The following WDR17 variants were observed in gnomAD, a reference collection of about 807,000 sequenced individuals.
WDR17 encodes the protein WD repeat-containing protein 17.
In WDR17, 143 loss-of-function variants were observed where a neutral mutation model predicts 161.7. The ratio of observed to expected loss-of-function variants is 0.88; its 90% CI spans 0.77 to 1.02. The LOEUF is 1.02. Among genes scored for constraint, WDR17 ranks in the 50% least tolerant of loss-of-function variants. The pLI is 0.00. For missense variants in WDR17, 1,469 were observed against 1,520.9 expected (o/e 0.97, Z 0.57); for synonymous variants, 517 against 515.6 (o/e 1.00, Z -0.04).
Position 176,156,111 on chromosome 4 carries a change from C to G in WDR17, c.2493C>G (p.Val831=), listed in dbSNP as rs779147436. The change falls in exon 18 of 29, where the codon GTC becomes GTG. Residue 831 remains valine (V), a synonymous_variant. Transcript: ENST00000508596. ...AAGCCCTGTCAATTGCACCAGGAGT[C>G]TCTGTGAAATACTGGAAGAAGTTAA... is the stretch of plus-strand genomic sequence containing the variant. ...WDKALSIAPG[V]SVKYWKKLMQ... The G allele has an allele frequency of 1.2e-6, 2 of 1,613,580 alleles. No homozygotes were observed. The highest frequency in any genetic ancestry group is 1.7e-6 in the Non-Finnish European group (2 of 1,179,780).
At position 176,108,624 on chromosome 4, in the gene WDR17, C is replaced by T. The variant is rs141410348; in HGVS notation, c.-6-2951C>T. Among the ~76,000 whole-genome samples, 317 of 151,602 alleles carry T rather than the reference C, an allele frequency of 2.1e-3. 1 individual carries two copies. The highest frequency in any genetic ancestry group is 6.9e-3 in the African/African-American group (287 of 41,318). ...CTCATCAGTTTTAACATGTGCCATCCGGTGCTGAGTGTTAATAGTGGGGAA... is the reference window on the plus strand; with the variant it reads ...CTCATCAGTTTTAACATGTGCCATCTGGTGCTGAGTGTTAATAGTGGGGAA... On this transcript the variant is annotated intron_variant, in intron 1 of 28. Coordinates refer to ENST00000508596, the MANE Select transcript of WDR17 (RefSeq NM_181265.4).
rs191880906 is a variant in WDR17 at position 176,152,561 on chromosome 4, G to A, written c.2460+594G>A. 7.2e-5 allele frequency among the ~76,000 whole-genome samples: 9 copies of A among 124,942 alleles called. No homozygotes were observed. In the East Asian group the frequency reaches 1.4e-3, roughly 20 times the overall value. The allele number at this position is 124,942 out of a possible 152,430, so 82.0% of individuals were successfully genotyped here. A position where few individuals can be genotyped will look rare whatever the true frequency, so the allele number is the denominator to read the frequency against. On this transcript the variant is annotated intron_variant, in intron 17 of 28. Transcript: ENST00000508596. ...GCAGAGGTTGCAGTGAGCCGAGATC[G>A]TGCCACTGTACTCCAGCCTGGGTAA... is the stretch of plus-strand genomic sequence containing the variant.
intron 2 of WDR17, among the ~76,000 whole-genome samples, chr4:176,111,947 G>A (rs75473575): frequency 6.6e-6 from 1 of 152,026 alleles, no homozygotes; most frequent in East Asian, 1.9e-4. Flanking sequence ...GAAGAATTTG[G>A]GTAGTCCATT....
At position 176,181,486 on chromosome 4, in the gene WDR17, A is replaced by G; in HGVS notation, c.*1907A>G. On this transcript the variant is annotated 3_prime_UTR_variant, in exon 29 of 29. Coordinates refer to ENST00000508596, the MANE Select transcript of WDR17 (RefSeq NM_181265.4). ...CCATCTCCAAAAATTATATATATAA[A>G]AATAATTAATATTATAGAAGAGAAT... 4.4e-6 allele frequency: 1 copy of G among 224,922 alleles called. No homozygotes were observed. Among genetic ancestry groups the G allele is most frequent in the South Asian group, 6.3e-5 (1 of 15,968 alleles). The allele number at this position is 224,922 out of a possible 1,614,324, so 13.9% of individuals were successfully genotyped here. A position where few individuals can be genotyped will look rare whatever the true frequency, so the allele number is the denominator to read the frequency against.
chr4:176,118,187 C>A (rs1740939093), intron 3 of WDR17, among the ~76,000 whole-genome samples: 1 of 152,118 alleles, frequency 6.6e-6, no homozygotes, highest in South Asian at 2.1e-4. Context: ...TAAATTGCAA[C>A]ACTCCTTGAA....
chr4:176,082,855 G>A (rs376035339), intron 1 of WDR17, among the ~76,000 whole-genome samples: 2 of 152,162 alleles, frequency 1.3e-5, no homozygotes, highest in South Asian at 2.1e-4. Flanking sequence ...AGATGAAGAT[G>A]AATTTTAGAC....
chr4:176,086,460 A>G (rs528724196), intron 1 of WDR17, among the ~76,000 whole-genome samples: 12 of 152,002 alleles, frequency 7.9e-5, no homozygotes, highest in Admixed American at 2.0e-4. Context: ...GCTTTATATA[A>G]TTGAAAACTA....
intron 1 of WDR17, among the ~76,000 whole-genome samples, chr4:176,103,821 AAG>A (rs1040520694): frequency 2.6e-5 from 4 of 151,948 alleles, no homozygotes; most frequent in Non-Finnish European, 5.9e-5. Flanking sequence ...ACCAGAAGAG[AAG>A]AGAGAGAGAT....
intron 1 of WDR17, among the ~76,000 whole-genome samples, chr4:176,105,083 C>G (rs1738486574): frequency 1.3e-5 from 2 of 150,416 alleles, no homozygotes; most frequent in Admixed American, 1.3e-4. Flanking sequence ...CAGGCATGCC[C>G]TATATTAATA....
chr4:176,171,602 C>A (rs190077821), intron 23 of WDR17, among the ~76,000 whole-genome samples: 1 of 151,814 alleles, frequency 6.6e-6, no homozygotes, highest in Non-Finnish European at 1.5e-5. Context: ...TGAAACAAAC[C>A]ATGAAACTAT....
chr4:176,101,412 A>G (rs565161472), intron 1 of WDR17, among the ~76,000 whole-genome samples: 1 of 152,216 alleles, frequency 6.6e-6, no homozygotes, highest in East Asian at 1.9e-4. Context: ...AAACATTTAC[A>G]TGATAAACAA....
At chr4:176,112,811 T>C (rs181986652) in intron 2 of WDR17, among the ~76,000 whole-genome samples, 1 of 152,290 alleles carries the variant, frequency 6.6e-6, no homozygotes, top group Admixed American at 6.5e-5. Flanking sequence ...TCATTAAATG[T>C]CTTAAATGAA....
At chr4:176,175,115 A>C (rs1751253869) in intron 26 of WDR17, among the ~76,000 whole-genome samples, 1 of 152,160 alleles carries the variant, frequency 6.6e-6, no homozygotes, top group African/African-American at 2.4e-5. Context: ...TTACGACTAC[A>C]TTCTGAGTAG....
chr4:176,109,717 G>A (rs1005162170), intron 1 of WDR17, among the ~76,000 whole-genome samples: 2 of 152,160 alleles, frequency 1.3e-5, no homozygotes, highest in African/African-American at 4.8e-5. Context: ...TAATTGCTGA[G>A]CATTAAAAGA....
chr4:176,131,865 G>T (rs75423542), intron 7 of WDR17, 127 bp downstream of exon 7: 8,228 of 733,272 alleles, frequency 0.011, 322 homozygotes, highest in African/African-American at 0.11. Flanking sequence ...GAAATTTATT[G>T]TAGCTGGTTG....
At chr4:176,152,044 T>C in intron 17 of WDR17, 77 bp downstream of exon 17, 1 of 1,458,808 alleles carries the variant, frequency 6.9e-7, no homozygotes. Context: ...ATTTTAAGTA[T>C]TAAAAATAAA....
At position 176,160,954 on chromosome 4, in the gene WDR17, C is replaced by T; in HGVS notation, c.2702C>T (p.Pro901Leu). ...ATGCAGCCCTTACATGTTTCCGTGC[C>T]TAAAGGAGCTTCATATTCTGATGAT... The part of the protein sequence containing the change: ...GNMQPLHVSV[P>L]KGASYSDDIY... The change falls in exon 20 of 29, where the codon CCT becomes CTT. Residue 901 changes from proline to leucine, a missense_variant. Pro to Leu is a moderately conservative substitution (Grantham distance 98, BLOSUM62 -3). Coordinates refer to ENST00000508596, the MANE Select transcript of WDR17 (RefSeq NM_181265.4). The T allele has an allele frequency of 2.5e-6, 4 of 1,610,686 alleles. No homozygotes were observed. The highest frequency in any genetic ancestry group is 3.4e-6 in the Non-Finnish European group (4 of 1,178,504).
intron 6 of WDR17, among the ~76,000 whole-genome samples, chr4:176,130,913 G>A (rs5016795): frequency 0.25 from 38,156 of 151,772 alleles, 4,921 homozygotes; most frequent in African/African-American, 0.29. Flanking sequence ...CAAAATATGG[G>A]ATAAATAATA....
chr4:176,106,585 T>C (rs1738758882), intron 1 of WDR17, among the ~76,000 whole-genome samples: 1 of 152,148 alleles, frequency 6.6e-6, no homozygotes, highest in East Asian at 1.9e-4. Flanking sequence ...TGGGATATGA[T>C]AACAAAGGCA....
Sources: gnomAD v4.1 joint callset for allele counts (sites outside exome capture counted in the v4.1 genomes callset) on GRCh38, gnomAD v4.1.1 for gene constraint, MANE v1.5 for transcripts, NCBI Gene and HGNC (gene_info 2026-07-23, HGNC 2026-07-21) for gene names.